OTUD5: variants seen among roughly 807,000 people sequenced by gnomAD.
OTUD5 encodes the protein OTU domain-containing protein 5.
OTUD5 carries 2 observed loss-of-function variants against 36.3 expected under a neutral mutation model. The ratio of observed to expected loss-of-function variants is 0.06; its 90% CI spans 0.02 to 0.17. OTUD5 has a LOEUF of 0.17. Among genes scored for constraint, OTUD5 ranks in the 10% least tolerant of loss-of-function variants. The probability of loss-of-function intolerance (pLI) is 1.00; values close to 1 mark genes in which losing one functional copy is unlikely to be tolerated. For synonymous variants in OTUD5, 234 were observed against 214.9 expected (o/e 1.09, Z -0.78); for missense variants, 233 against 512.3 (o/e 0.45, Z 5.26).
chrX:48,957,792 AAAGTC>A, upstream of OTUD5: 1 of 783,547 alleles, frequency 1.3e-6, no homozygotes, highest in Non-Finnish European at 1.5e-6. Context: ...ACCCGGATGT[AAAGTC>A]CAAGATGAAG....
At chrX:48,957,839 C>G, upstream of OTUD5, 5 of 756,219 alleles carry the variant, frequency 6.6e-6, no homozygotes, top group Non-Finnish European at 7.8e-6. Context: ...AGCCTTCTCT[C>G]CAAGTCCAGC....
At chrX:48,946,138 C>T (rs1482630682) in intron 1 of OTUD5, among the ~76,000 whole-genome samples, 1 of 111,921 alleles carries the variant, frequency 8.9e-6, no homozygotes, top group African/African-American at 3.2e-5. Context: ...AACCCATCCC[C>T]TAAGAAAGCC....
intron 2 of OTUD5, chrX:48,940,355 A>T (rs2063899740): frequency 3.5e-5 from 4 of 113,607 alleles, no homozygotes; most frequent in African/African-American, 9.7e-5. Flanking sequence ...TTCAACCTCA[A>T]ATACCAATGT....
At position 48,925,288 on chromosome X, in the gene OTUD5, A is replaced by G. The variant is rs2063648453; in HGVS notation, c.1263+559T>C. ...GCAAGACTCTGTCTCCAAAAAAAAA[A>G]AAAAAAAAAAACTCAGCTCCTGCCA... On this transcript the variant is annotated intron_variant, in intron 6 of 8. Transcript: ENST00000376488. Among the ~76,000 whole-genome samples the G allele has an allele frequency of 2.8e-5, 3 of 107,486 alleles. No homozygotes were observed. In the East Asian group the frequency reaches 8.7e-4, roughly 31 times the overall value. The allele number at this position is 107,486 out of a possible 115,157, so 93.3% of individuals were successfully genotyped here.
intron 5 of OTUD5, among the ~76,000 whole-genome samples, chrX:48,929,402 T>A (rs782521535): frequency 1.6e-4 from 16 of 99,023 alleles, no homozygotes; most frequent in Admixed American, 1.4e-3. Context: ...AATAAATAAA[T>A]AAATAAAATA....
At chrX:48,947,390 AAAG>A (rs373955168) in intron 1 of OTUD5, among the ~76,000 whole-genome samples, 22 of 110,192 alleles carry the variant, frequency 2.0e-4, no homozygotes, top group African/African-American at 6.3e-4. Context: ...GTCTCAAAAA[AAAG>A]AAGAAAAGAA....
chrX:48,946,100 A>AT (rs1373168846), intron 1 of OTUD5, among the ~76,000 whole-genome samples: 1 of 111,088 alleles, frequency 9.0e-6, no homozygotes, highest in Non-Finnish European at 1.9e-5. Flanking sequence ...CCGTAAGGCC[A>AT]TTTTTCCCCA....
At chrX:48,957,728 A>AGGC (rs1156647335), upstream of OTUD5, 2,033 of 663,375 alleles carry the variant, frequency 3.1e-3, 3 homozygotes, top group African/African-American at 0.015. Context: ...GCGGCGGAGG[A>AGGC]GGCGGCGGCG....
intron 5 of OTUD5, among the ~76,000 whole-genome samples, chrX:48,927,729 C>T (rs1322084359): frequency 9.0e-6 from 1 of 111,315 alleles, no homozygotes; most frequent in Non-Finnish European, 1.9e-5. Context: ...ATTATGCAGG[C>T]ATTATTGATT....
chrX:48,926,605 G>A lies in OTUD5; in HGVS notation c.1060-555C>T, dbSNP rs147115086. 7.8e-3 allele frequency among the ~76,000 whole-genome samples: 868 copies of A among 111,534 alleles called. 6 individuals carry two copies. Among genetic ancestry groups the A allele is most frequent in the African/African-American group, 0.026 (808 of 30,693 alleles). On this transcript the variant is annotated intron_variant, in intron 5 of 8. Coordinates refer to ENST00000376488, the MANE Select transcript of OTUD5 (RefSeq NM_001136157.2). ...TGACCTCAGGTGATCCACCCGACTCGGCCTCCCAAAGTGCTGGGATTATAG... is the reference window on the plus strand; with the variant it reads ...TGACCTCAGGTGATCCACCCGACTCAGCCTCCCAAAGTGCTGGGATTATAG...
intron 5 of OTUD5, among the ~76,000 whole-genome samples, chrX:48,933,956 G>A (rs918492533): frequency 9.0e-6 from 1 of 111,541 alleles, no homozygotes; most frequent in Non-Finnish European, 1.9e-5. Flanking sequence ...TATGTGCTGG[G>A]AAAATGCACT....
At chrX:48,929,402 T>TA (rs1294577009) in intron 5 of OTUD5, among the ~76,000 whole-genome samples, 8 of 98,985 alleles carry the variant, frequency 8.1e-5, no homozygotes, top group African/African-American at 1.5e-4. Context: ...AATAAATAAA[T>TA]AAATAAAATA....
intron 1 of OTUD5, among the ~76,000 whole-genome samples, chrX:48,945,826 G>A (rs187374669): frequency 2.7e-5 from 3 of 110,609 alleles, no homozygotes; most frequent in Non-Finnish European, 3.8e-5. Flanking sequence ...AAATGAACCT[G>A]TACAAATGCC....
intron 1 of OTUD5, among the ~76,000 whole-genome samples, chrX:48,946,506 A>C (rs1342919951): frequency 9.0e-6 from 1 of 111,476 alleles, no homozygotes; most frequent in Non-Finnish European, 1.9e-5. Context: ...CAGGGCCCAC[A>C]CCCCAGGAAA....
chrX:48,932,797 T>C (rs1333056603), intron 5 of OTUD5, among the ~76,000 whole-genome samples: 1 of 111,308 alleles, frequency 9.0e-6, no homozygotes, highest in Non-Finnish European at 1.9e-5. Context: ...AAAAAATTTT[T>C]TTTCATTTTT....
intron 2 of OTUD5, chrX:48,940,483 T>C (rs1557050768): frequency 8.9e-6 from 1 of 112,743 alleles, no homozygotes; most frequent in Non-Finnish European, 1.9e-5. Context: ...CTAGTGCTGA[T>C]GTTCCAAGAC....
chrX:48,942,274 CACACACAG>C (rs1459850307), intron 2 of OTUD5, among the ~76,000 whole-genome samples: 2 of 97,364 alleles, frequency 2.1e-5, no homozygotes, highest in African/African-American at 7.8e-5. Context: ...CACACACACA[CACACACAG>C]AGAACAGCTA....
At chrX:48,925,540 A>G (rs909322228) in intron 6 of OTUD5, among the ~76,000 whole-genome samples, 28 of 111,562 alleles carry the variant, frequency 2.5e-4, no homozygotes, top group Admixed American at 2.3e-3. Flanking sequence ...CTGATGTTAC[A>G]TTCTCAGTAG....
intron 1 of OTUD5, among the ~76,000 whole-genome samples, chrX:48,953,501 A>AG (rs1458077161): frequency 2.7e-5 from 3 of 111,596 alleles, no homozygotes; most frequent in Non-Finnish European, 5.6e-5. Flanking sequence ...CTGGCCAGTG[A>AG]GGAAACTGAG....
Sources: allele counts gnomAD v4.1 joint callset (sites outside exome capture counted in the v4.1 genomes callset), GRCh38; gene constraint gnomAD v4.1.1; transcripts MANE v1.5; gene names NCBI Gene and HGNC (gene_info 2026-07-23, HGNC 2026-07-21).